DTD1: variants seen among roughly 807,000 people sequenced by gnomAD.
DTD1 encodes D-tyrosyl-tRNA deacylase 1 homolog.
A neutral mutation model predicts 25.6 loss-of-function variants in DTD1; 13 were observed. That is an observed-to-expected ratio of 0.51 (90% CI 0.33 to 0.81). The LOEUF is 0.81. DTD1 is among the 30% of genes least tolerant of loss of function. DTD1 has a pLI of 0.02. For synonymous variants in DTD1, 110 were observed against 103.6 expected, an observed-to-expected ratio of 1.06 and a Z score of -0.37; for missense variants, 193 against 266.4, an observed-to-expected ratio of 0.72 and a Z score of 1.92.
chr20:18,625,037 C>T (rs1253620734), intron 3 of DTD1, among the ~76,000 whole-genome samples: 1 of 152,172 alleles, frequency 6.6e-6, no homozygotes, highest in Non-Finnish European at 1.5e-5. Context: ...TACAAAGTTC[C>T]AGGCTTGAGA....
At chr20:18,691,832 G>A (rs1424462505) in intron 4 of DTD1, 1 of 152,156 alleles carries the variant, frequency 6.6e-6, no homozygotes, top group Non-Finnish European at 1.5e-5. Context: ...ACAGTGCAGG[G>A]CTAGACAATG....
chr20:18,596,358 C>A, intron 3 of DTD1, 117 bp downstream of exon 3: 1 of 842,292 alleles, frequency 1.2e-6, no homozygotes, highest in South Asian at 1.7e-5. Context: ...ATGCTTGTTA[C>A]TTACTTAGAA....
chr20:18,672,601 G>T (rs914769198), intron 4 of DTD1, among the ~76,000 whole-genome samples: 1 of 152,108 alleles, frequency 6.6e-6, no homozygotes, highest in African/African-American at 2.4e-5. Context: ...GTATTTTGAA[G>T]AATTTTAGCT....
intron 5 of DTD1, among the ~76,000 whole-genome samples, chr20:18,761,932 G>T (rs1248457173): frequency 6.6e-6 from 1 of 152,236 alleles, no homozygotes; most frequent in Non-Finnish European, 1.5e-5. Flanking sequence ...CCACCCACTG[G>T]TTGTCTTTTA....
intron 5 of DTD1, among the ~76,000 whole-genome samples, chr20:18,761,090 A>AT (rs2061360603): frequency 6.6e-6 from 1 of 152,132 alleles, no homozygotes; most frequent in Non-Finnish European, 1.5e-5. Context: ...GCAAAAGCGC[A>AT]TTATTAGGGT....
rs555143078 is a variant in DTD1 at position 18,623,981 on chromosome 20, A to G, written c.371-4146A>G. Among the ~76,000 whole-genome samples, 3 of 151,980 alleles carry G rather than the reference A, an allele frequency of 2.0e-5. No individual in the cohort carries two copies. The South Asian group carries it at 6.2e-4, about 32-fold the overall frequency. ...CTATGGCTCTTGTCATGGGAGTGAC[A>G]GGAACTGATGGAGGGTGGTTCTGAG... is the stretch of plus-strand genomic sequence containing the variant. On this transcript the variant is annotated intron_variant, in intron 3 of 5. Transcript: ENST00000377452.
At chr20:18,700,746 G>T (rs886130891) in intron 4 of DTD1, among the ~76,000 whole-genome samples, 7 of 152,170 alleles carry the variant, frequency 4.6e-5, no homozygotes. Context: ...ACTGAGATTC[G>T]ATTGGAGGGT....
intron 4 of DTD1, among the ~76,000 whole-genome samples, chr20:18,648,720 A>T (rs1837803829): frequency 6.6e-6 from 1 of 152,114 alleles, no homozygotes; most frequent in African/African-American, 2.4e-5. Context: ...GAATTTTACC[A>T]TTTATATTGT....
chr20:18,674,212 G>T (rs947716881), intron 4 of DTD1, among the ~76,000 whole-genome samples: 2 of 152,074 alleles, frequency 1.3e-5, no homozygotes, highest in African/African-American at 4.8e-5. Context: ...TTGATTTCCA[G>T]TGTTTGCCTG....
intron 4 of DTD1, among the ~76,000 whole-genome samples, chr20:18,670,446 G>C (rs746879365): frequency 3.9e-5 from 6 of 152,126 alleles, no homozygotes; most frequent in Non-Finnish European, 7.3e-5. Context: ...ACAGAGCAAG[G>C]CTGTGTCTCA....
At chr20:18,616,814 T>A (rs1011513396) in intron 3 of DTD1, among the ~76,000 whole-genome samples, 17 of 152,110 alleles carry the variant, frequency 1.1e-4, no homozygotes, top group Admixed American at 1.1e-3. Context: ...CTCTAAAAAA[T>A]TTTTTTAAAA....
At chr20:18,666,319 A>G (rs1284597455) in intron 4 of DTD1, among the ~76,000 whole-genome samples, 5 of 152,172 alleles carry the variant, frequency 3.3e-5, no homozygotes, top group African/African-American at 4.8e-5. Context: ...TGGTTAATGT[A>G]ATGTTGGCCA....
At chr20:18,726,008 G>A (rs1056198260) in intron 4 of DTD1, among the ~76,000 whole-genome samples, 1 of 152,184 alleles carries the variant, frequency 6.6e-6, no homozygotes, top group Non-Finnish European at 1.5e-5. Context: ...TAGACAACTG[G>A]CATCTTTGTG....
At chr20:18,724,297 A>T (rs1435306132) in intron 4 of DTD1, among the ~76,000 whole-genome samples, 1 of 152,180 alleles carries the variant, frequency 6.6e-6, no homozygotes, top group Non-Finnish European at 1.5e-5. Flanking sequence ...AGGTAGGCAC[A>T]TGGGTACCTC....
At chr20:18,607,869 A>G (rs2060667607) in intron 3 of DTD1, among the ~76,000 whole-genome samples, 1 of 152,152 alleles carries the variant, frequency 6.6e-6, no homozygotes, top group South Asian at 2.1e-4. Flanking sequence ...GCATGCCACC[A>G]TGCCCAGCTA....
At position 18,722,904 on chromosome 20, in the gene DTD1, A is replaced by G. The variant is rs187372648; in HGVS notation, c.478-21196A>G. ...TGAAAACACTGTCTTATTTTTCTGG[A>G]CCTAAAACACACAGAAAAGTCAGCA... On this transcript the variant is annotated intron_variant, in intron 4 of 5. Transcript: ENST00000377452. Among the ~76,000 whole-genome samples the G allele has an allele frequency of 1.3e-3, 195 of 152,318 alleles. 1 individual carries two copies. Among genetic ancestry groups the G allele is most frequent in the African/African-American group, 4.6e-3 (191 of 41,576 alleles).
At chr20:18,718,191 AC>A (rs2061188865) in intron 4 of DTD1, among the ~76,000 whole-genome samples, 1 of 152,226 alleles carries the variant, frequency 6.6e-6, no homozygotes. Flanking sequence ...CAGTAATATT[AC>A]TTTATTAAAG....
At chr20:18,672,245 T>C (rs901880759) in intron 4 of DTD1, among the ~76,000 whole-genome samples, 1 of 151,878 alleles carries the variant, frequency 6.6e-6, no homozygotes, top group Non-Finnish European at 1.5e-5. Context: ...AATAAAAGAA[T>C]GTAAAAGCTA....
At chr20:18,657,598 C>G (rs1196696867) in intron 4 of DTD1, among the ~76,000 whole-genome samples, 1 of 152,220 alleles carries the variant, frequency 6.6e-6, no homozygotes. Flanking sequence ...TGCCTTAATT[C>G]AAGTCAGCAA....
Sources: allele counts gnomAD v4.1 joint callset (sites outside exome capture counted in the v4.1 genomes callset), GRCh38; gene constraint gnomAD v4.1.1; transcripts MANE v1.5; gene names NCBI Gene and HGNC (gene_info 2026-07-23, HGNC 2026-07-21).